CD36: variants seen among roughly 807,000 people sequenced by gnomAD.
CD36 encodes platelet glycoprotein 4.
Under a neutral mutation model 55.2 loss-of-function variants are expected in CD36, and 119 were observed. The ratio of observed to expected loss-of-function variants is 2.15; its 90% CI spans 1.86 to 2.51. The LOEUF (loss-of-function observed/expected upper bound fraction) is 2.51, where lower values mean the gene tolerates loss of function less well. Ranked by LOEUF, CD36 falls within the 30% of genes most tolerant of loss-of-function variation. CD36 has a pLI of 0.00. For synonymous variants in CD36, 186 were observed against 193.6 expected, an observed-to-expected ratio of 0.96 and a Z score of 0.33; for missense variants, 819 against 555.5, an observed-to-expected ratio of 1.47 and a Z score of -4.77.
chr7:80,661,688 CA>C (rs1796545142), intron 5 of CD36, among the ~76,000 whole-genome samples: 1 of 145,576 alleles, frequency 6.9e-6, no homozygotes, highest in Admixed American at 6.7e-5. Context: ...CAAACAAAAA[CA>C]AACAAACAAA....
At chr7:80,671,688 T>G (rs3173805) in intron 10 of CD36, among the ~76,000 whole-genome samples, 1 of 151,026 alleles carries the variant, frequency 6.6e-6, no homozygotes, top group Non-Finnish European at 1.5e-5. Context: ...AAAAAACTAG[T>G]GTTAAATAAA....
chr7:80,673,702 A>G (rs1185757250), intron 13 of CD36: 1 of 558,460 alleles, frequency 1.8e-6, no homozygotes, highest in Non-Finnish European at 3.2e-6. Context: ...GATAGCTATA[A>G]AAATAGGAAA....
chr7:80,657,517 A>G (rs1426840764), intron 4 of CD36, among the ~76,000 whole-genome samples: 2 of 152,214 alleles, frequency 1.3e-5, no homozygotes, highest in Non-Finnish European at 2.9e-5. Flanking sequence ...ATGATCAGCC[A>G]GAATCTGTCA....
At chr7:80,603,094 T>C (rs944356419) in intron 1 of CD36, among the ~76,000 whole-genome samples, 16 of 152,160 alleles carry the variant, frequency 1.1e-4, no homozygotes, top group African/African-American at 3.9e-4. Context: ...TTTTGTTACA[T>C]AGCAGAATTT....
chr7:80,673,300 G>GTTATATATAAATATTAGT, intron 12 of CD36, 55 bp from the exon 13 acceptor site: 2 of 802,078 alleles, frequency 2.5e-6, no homozygotes. Flanking sequence ...TTTAAAGTTT[G>GTTATATATAAATATTAGT]TTATATATAA....
upstream of CD36, chr7:80,637,118 T>C (rs890330705): frequency 3.3e-5 from 5 of 152,148 alleles, no homozygotes; most frequent in South Asian, 1.0e-3. Context: ...CTTTAAAATA[T>C]GCTCTTTTAA....
intron 9 of CD36, 22 bp from the exon 10 acceptor site, chr7:80,670,955 G>T: frequency 6.4e-7 from 1 of 1,573,310 alleles, no homozygotes. Context: ...CTGGAATGCA[G>T]CTCTTTTTTC....
At position 80,662,987 on chromosome 7, in the gene CD36, T is replaced by C; in HGVS notation, c.430-3T>C. On this transcript the variant is annotated splice_region_variant and splice_polypyrimidine_tract_variant and intron_variant, in intron 5 of 14. Coordinates refer to ENST00000447544, the MANE Select transcript of CD36 (RefSeq NM_001001548.3). ...GTCTTAAACAGTGACTTTGTTTTTG[T>C]AGGCTGCATCCCATATCTATCAAAA... The C allele has an allele frequency of 1.9e-6, 3 of 1,608,852 alleles. No homozygotes were observed. The highest frequency in any genetic ancestry group is 1.3e-5 in the African/African-American group (1 of 74,934).
chr7:80,627,116 A>C (rs575754295), intron 1 of CD36, among the ~76,000 whole-genome samples: 2 of 152,056 alleles, frequency 1.3e-5, no homozygotes, highest in Non-Finnish European at 2.9e-5. Flanking sequence ...AGACTTCATC[A>C]TATTAAAGGT....
At chr7:80,629,838 A>G (rs1457618193) in intron 1 of CD36, among the ~76,000 whole-genome samples, 1 of 151,282 alleles carries the variant, frequency 6.6e-6, no homozygotes, top group African/African-American at 2.4e-5. Flanking sequence ...AAAATTGCCT[A>G]TTTTTAGTTT....
chr7:80,645,429 C>T lies in CD36; in HGVS notation c.-183-659C>T, dbSNP rs535781632. On this transcript the variant is annotated intron_variant, in intron 1 of 14. Transcript: ENST00000447544. Reference sequence around the variant, plus strand: ...TGGGTGGATCACGAGGTCAGGAGTTCGAGACCAGCCTGACCAACATGGTGA... The same window carrying T: ...TGGGTGGATCACGAGGTCAGGAGTTTGAGACCAGCCTGACCAACATGGTGA... 2.0e-3 allele frequency among the ~76,000 whole-genome samples: 300 copies of T among 151,488 alleles called. 1 individual carries two copies. Among genetic ancestry groups the T allele is most frequent in the African/African-American group, 6.1e-3 (253 of 41,370 alleles).
chr7:80,673,797 GTACCGTACTC>G (rs1797969132), intron 13 of CD36, 176 bp from the exon 14 acceptor site: 1 of 633,828 alleles, frequency 1.6e-6, no homozygotes, highest in Non-Finnish European at 2.8e-6. Flanking sequence ...ACATTGAAGA[GTACCGTACTC>G]TATCTGGCAC....
At chr7:80,668,290 A>G (rs1404097051) in intron 8 of CD36, among the ~76,000 whole-genome samples, 2 of 152,196 alleles carry the variant, frequency 1.3e-5, no homozygotes, top group Non-Finnish European at 2.9e-5. Context: ...AGCATCAGGC[A>G]TGATGTTAAA....
intron 7 of CD36, among the ~76,000 whole-genome samples, chr7:80,665,026 T>C (rs982810440): frequency 6.6e-6 from 1 of 152,082 alleles, no homozygotes; most frequent in Non-Finnish European, 1.5e-5. Context: ...CCCCTGCAAA[T>C]AGTCTTTAAT....
intron 1 of CD36, among the ~76,000 whole-genome samples, chr7:80,629,025 C>G (rs748379452): frequency 7.9e-5 from 12 of 152,046 alleles, no homozygotes; most frequent in Non-Finnish European, 1.2e-4. Flanking sequence ...CTAAGCAGTT[C>G]CTAGATTGAC....
At chr7:80,625,266 A>C (rs1433064026) in intron 1 of CD36, among the ~76,000 whole-genome samples, 1 of 152,168 alleles carries the variant, frequency 6.6e-6, no homozygotes. Flanking sequence ...TACAGATTAC[A>C]GGTATAATTG....
chr7:80,657,125 G>A (rs1376472714), intron 4 of CD36, among the ~76,000 whole-genome samples: 1 of 152,092 alleles, frequency 6.6e-6, no homozygotes, highest in Non-Finnish European at 1.5e-5. Context: ...GGTTCTCAAA[G>A]TGTAGCTGGG....
chr7:80,638,414 A>T (rs951957542), upstream of CD36: 1 of 149,846 alleles, frequency 6.7e-6, no homozygotes, highest in African/African-American at 2.5e-5. Context: ...AAAAAAAAAA[A>T]TGCTGAATAT....
chr7:80,673,248 C>A, intron 12 of CD36, 107 bp from the exon 13 acceptor site: 1 of 607,778 alleles, frequency 1.6e-6, no homozygotes, highest in Non-Finnish European at 2.9e-6. Flanking sequence ...ATTACAGGAA[C>A]AAAATCAAAT....
Sources: allele counts gnomAD v4.1 joint callset (sites outside exome capture counted in the v4.1 genomes callset), GRCh38; gene constraint gnomAD v4.1.1; transcripts MANE v1.5; gene names NCBI Gene and HGNC (gene_info 2026-07-23, HGNC 2026-07-21).